Variants in PPP4R3A observed in about 807,000 individuals in gnomAD.
PPP4R3A encodes the protein serine/threonine-protein phosphatase 4 regulatory subunit 3A.
PPP4R3A carries 15 observed loss-of-function variants against 91.7 expected under a neutral mutation model. The ratio of observed to expected loss-of-function variants is 0.16; its 90% CI spans 0.11 to 0.25. The LOEUF (loss-of-function observed/expected upper bound fraction) is 0.25, where lower values mean the gene tolerates loss of function less well. PPP4R3A is among the 10% of genes least tolerant of loss of function. The pLI is 1.00. For synonymous variants in PPP4R3A, 377 were observed against 348.7 expected, an observed-to-expected ratio of 1.08 and a Z score of -0.91; for missense variants, 623 against 998.4, an observed-to-expected ratio of 0.62 and a Z score of 5.07.
intron 1 of PPP4R3A, among the ~76,000 whole-genome samples, chr14:91,491,698 C>T (rs1290403286): frequency 2.0e-5 from 3 of 152,180 alleles, no homozygotes; most frequent in Admixed American, 2.0e-4. Context: ...AGCCACCACG[C>T]CTGGCCTAGA....
At chr14:91,490,142 G>T (rs551304613) in intron 2 of PPP4R3A, among the ~76,000 whole-genome samples, 4 of 152,198 alleles carry the variant, frequency 2.6e-5, no homozygotes, top group African/African-American at 9.7e-5. Flanking sequence ...TACGTGAAGC[G>T]CACGCGCGTG....
intron 4 of PPP4R3A, among the ~76,000 whole-genome samples, chr14:91,479,141 C>A (rs1157533107): frequency 6.6e-6 from 1 of 151,850 alleles, no homozygotes; most frequent in Non-Finnish European, 1.5e-5. Flanking sequence ...CACCATCACG[C>A]CTGGCTAATT....
Position 91,458,777 on chromosome 14 carries a change from T to C in PPP4R3A, c.2484A>G (p.Lys828=). The change falls in exon 15 of 15, where the codon AAA becomes AAG. Residue 828 remains lysine (K), a synonymous_variant. Transcript: ENST00000554943. ...GCCATTATTATGAATCAAATTTTGCTTTCTTTGACAATGGTAACGTATCTT... is the reference window on the plus strand; with the variant it reads ...GCCATTATTATGAATCAAATTTTGCCTTCTTTGACAATGGTAACGTATCTT... ...DKEDTLPLSK[K]AKFDS The C allele has an allele frequency of 1.2e-6, 2 of 1,614,188 alleles. No individual in the cohort carries two copies. The highest frequency in any genetic ancestry group is 1.7e-6 in the Non-Finnish European group (2 of 1,180,020).
At chr14:91,479,024 C>T (rs1353583610) in intron 4 of PPP4R3A, among the ~76,000 whole-genome samples, 1 of 152,180 alleles carries the variant, frequency 6.6e-6, no homozygotes, top group Non-Finnish European at 1.5e-5. Flanking sequence ...AATGATTCTC[C>T]TGTCTCAGCC....
rs1475826329 is a variant in PPP4R3A at position 91,458,519 on chromosome 14, A to T, written c.*240T>A. On this transcript the variant is annotated 3_prime_UTR_variant, in exon 15 of 15. Coordinates refer to ENST00000554943, the MANE Select transcript of PPP4R3A (RefSeq NM_001366432.2). ...TTTGTTTCCATTTCCTTCCCTGAGA[A>T]AAGGGCAATGTGTGGTCCAAGCTGG... 3 of 569,924 alleles carry T rather than the reference A, an allele frequency of 5.3e-6. No homozygotes were observed. Among genetic ancestry groups the T allele is most frequent in the Non-Finnish European group, 9.4e-6 (3 of 319,782 alleles). The allele number at this position is 569,924 out of a possible 1,614,324, so 35.3% of individuals were successfully genotyped here.
chr14:91,465,164 C>A (rs1447564389), intron 11 of PPP4R3A, 86 bp downstream of exon 11: 1 of 990,812 alleles, frequency 1.0e-6, no homozygotes, highest in Non-Finnish European at 1.4e-6. Flanking sequence ...CAAATATTAT[C>A]ATCTCAAGCC....
chr14:91,490,779 T>G lies in PPP4R3A; in HGVS notation c.166A>C (p.Ile56Leu). 6.2e-7 allele frequency: 1 copy of G among 1,610,018 alleles called. No individual in the cohort carries two copies. The highest frequency in any genetic ancestry group is 8.5e-7 in the Non-Finnish European group (1 of 1,178,762). ...SDGSLLLESK[I>L]NPNTAYQKQQ... ...TTCTGGTATGCAGTGTTAGGATTTA[T>G]TTTCGACTCTAAAAGTAGAGAACCT... The change falls in exon 2 of 15, where the codon ATA (isoleucine) becomes CTA (leucine). Residue 56 changes from isoleucine (I) to leucine (L), a missense_variant. By Grantham distance (5) the Ile-to-Leu change is conservative (BLOSUM62 2). Coordinates refer to ENST00000554943, the MANE Select transcript of PPP4R3A (RefSeq NM_001366432.2).
At chr14:91,498,152 T>A (rs186207705) in intron 1 of PPP4R3A, among the ~76,000 whole-genome samples, 1 of 152,140 alleles carries the variant, frequency 6.6e-6, no homozygotes, top group South Asian at 2.1e-4. Context: ...CTGGCCAACA[T>A]GGTGAAACCC....
chr14:91,492,139 T>C (rs1366336421), intron 1 of PPP4R3A, among the ~76,000 whole-genome samples: 1 of 152,264 alleles, frequency 6.6e-6, no homozygotes, highest in Non-Finnish European at 1.5e-5. Flanking sequence ...TGAAGTCAGA[T>C]GATCTGGGTT....
intron 1 of PPP4R3A, among the ~76,000 whole-genome samples, chr14:91,508,272 T>C (rs1463890766): frequency 1.3e-5 from 2 of 152,240 alleles, no homozygotes; most frequent in Admixed American, 1.3e-4. Context: ...GTGGGCAATA[T>C]ACTCCAGATT....
At chr14:91,492,535 A>G (rs1196670862) in intron 1 of PPP4R3A, among the ~76,000 whole-genome samples, 9 of 152,198 alleles carry the variant, frequency 5.9e-5, no homozygotes, top group African/African-American at 9.7e-5. Context: ...CTCAATTTGT[A>G]TATGTCTTAT....
rs1469619502 is a variant in PPP4R3A at position 91,507,368 on chromosome 14, T to C, written c.142+2138A>G. Among the ~76,000 whole-genome samples, 19 of 56,048 alleles carry C rather than the reference T, an allele frequency of 3.4e-4. 1 individual carries two copies. The highest frequency in any genetic ancestry group is 1.1e-3 in the African/African-American group (17 of 15,002). 36.8% of individuals were successfully genotyped at this position (56,048 alleles called of 152,430 possible). ...TATATATACTATATAGTATATATAC[T>C]ATAATTATATATACTATATAGTATA... On this transcript the variant is annotated intron_variant, in intron 1 of 14. Coordinates refer to ENST00000554943, the MANE Select transcript of PPP4R3A (RefSeq NM_001366432.2).
At position 91,475,889 on chromosome 14, in the gene PPP4R3A, T is replaced by A; in HGVS notation, c.1188A>T (p.Val396=). ...GTGCCTCCTGCATGACAAACTCTCG[T>A]ACCATGGATGGATTATATTCAACCA... ...SYLVEYNPSM[V]REFVMQEAQQ... Residue 396 remains valine (V), a synonymous_variant, in exon 7 of 15, where the codon GTA becomes GTT. Transcript: ENST00000554943. The A allele has an allele frequency of 6.2e-7, 1 of 1,613,782 alleles. No individual in the cohort carries two copies. Among genetic ancestry groups the A allele is most frequent in the Non-Finnish European group, 8.5e-7 (1 of 1,179,918 alleles).
chr14:91,458,027 GTT>G lies in PPP4R3A; in HGVS notation c.*730_*731del, dbSNP rs1887872433. 1.3e-5 allele frequency: 2 copies of G among 152,308 alleles called. No individual in the cohort carries two copies. Among genetic ancestry groups the G allele is most frequent in the African/African-American group, 4.8e-5 (2 of 41,348 alleles). 9.4% of individuals were successfully genotyped at this position (152,308 alleles called of 1,614,324 possible). A position where few individuals can be genotyped will look rare whatever the true frequency, so the allele number is the denominator to read the frequency against. ...GTTAGGTTATATTACATCAAAAAAA[GTT>G]TTAATGGTCCCAAATATATATACTC... On this transcript the variant is annotated 3_prime_UTR_variant, in exon 15 of 15. Transcript: ENST00000554943.
chr14:91,506,652 G>A (rs1048254492), intron 1 of PPP4R3A, among the ~76,000 whole-genome samples: 3 of 152,068 alleles, frequency 2.0e-5, no homozygotes, highest in African/African-American at 7.2e-5. Flanking sequence ...CTAGGCTCAA[G>A]TGACCCTCCC....
intron 1 of PPP4R3A, among the ~76,000 whole-genome samples, chr14:91,507,033 T>C (rs1354941307): frequency 1.3e-5 from 2 of 151,984 alleles, no homozygotes; most frequent in East Asian, 1.9e-4. Context: ...AAAATATAAA[T>C]GGAGGTTCGG....
intron 7 of PPP4R3A, among the ~76,000 whole-genome samples, chr14:91,474,010 C>A (rs185044996): frequency 1.4e-3 from 216 of 152,276 alleles, no homozygotes; most frequent in Middle Eastern, 3.4e-3. Flanking sequence ...CTCAGGTGAT[C>A]CGCCTGCCTC....
upstream of PPP4R3A, chr14:91,510,334 G>C (rs1016661667): frequency 6.6e-6 from 1 of 152,540 alleles, no homozygotes; most frequent in Non-Finnish European, 1.5e-5. Flanking sequence ...GGGAGCAGCT[G>C]CAGGGGCGGC....
intron 10 of PPP4R3A, among the ~76,000 whole-genome samples, chr14:91,466,959 A>ACACACACC (rs1215342309): frequency 6.6e-6 from 1 of 151,830 alleles, no homozygotes; most frequent in African/African-American, 2.4e-5. Context: ...ACACACACAC[A>ACACACACC]CACACCCCTC....
Sources: allele counts gnomAD v4.1 joint callset (sites outside exome capture counted in the v4.1 genomes callset), GRCh38; gene constraint gnomAD v4.1.1; transcripts MANE v1.5; gene names NCBI Gene and HGNC (gene_info 2026-07-23, HGNC 2026-07-21).